LARP1: variants seen among roughly 807,000 people sequenced by gnomAD.
LARP1 encodes La ribonucleoprotein 1, translational regulator.
Under a neutral mutation model 122.7 loss-of-function variants are expected in LARP1, and 36 were observed. That is an observed-to-expected ratio of 0.29 (90% CI 0.22 to 0.39). The LOEUF (loss-of-function observed/expected upper bound fraction) is 0.39. Among genes scored for constraint, LARP1 ranks in the 10% least tolerant of loss-of-function variants. The probability of loss-of-function intolerance (pLI) is 1.00; values close to 1 mark genes in which losing one functional copy is unlikely to be tolerated. For synonymous variants in LARP1, 539 were observed against 528.7 expected (o/e 1.02, Z -0.27); for missense variants, 1,040 against 1,403.6 (o/e 0.74, Z 4.14).
rs112951083 is a variant in LARP1, at chr5:154,802,909, G to A, written c.2110-381G>A. On this transcript the variant is annotated intron_variant, in intron 11 of 18. Coordinates refer to ENST00000518297, the MANE Select transcript of LARP1 (RefSeq NM_033551.3). This position sits in a 1 kb window ranked among gnomAD's most constrained non-coding sequence, Gnocchi z 5.1. ...GGGTGAGCCTTTGTAATAAGTAGCA[G>A]TGTGTTTCCTGGAAGTAAGGAGGAA... is the stretch of plus-strand genomic sequence containing the variant. Among the ~76,000 whole-genome samples the A allele has an allele frequency of 7.2e-3, 1,093 of 152,294 alleles. 14 individuals carry two copies. Among genetic ancestry groups the A allele is most frequent in the African/African-American group, 0.025 (1,044 of 41,554 alleles).
At chr5:154,793,270 G>C (rs1390073527) in intron 4 of LARP1, among the ~76,000 whole-genome samples, 3 of 152,092 alleles carry the variant, frequency 2.0e-5, no homozygotes, top group Admixed American at 1.3e-4. Context: ...GCTCTCGTAG[G>C]CAGTGTTTTG....
upstream of LARP1, among the ~76,000 whole-genome samples, chr5:154,754,972 C>T (rs1396912351): frequency 6.6e-6 from 1 of 152,198 alleles, no homozygotes; most frequent in Non-Finnish European, 1.5e-5. Context: ...GGCCGCGTGG[C>T]CGGGTCCCAT....
chr5:154,815,112 A>G lies in LARP1; in HGVS notation c.*1016A>G, dbSNP rs1446263945. ...CTTCTCTGGATGTGCCTGGGCTTGG[A>G]CTGGCTAGAATCTTTCTCTGGACTG... On this transcript the variant is annotated 3_prime_UTR_variant, in exon 19 of 19. Transcript: ENST00000518297. 6.6e-6 allele frequency: 1 copy of G among 152,468 alleles called. No homozygotes were observed. Among genetic ancestry groups the G allele is most frequent in the African/African-American group, 2.4e-5 (1 of 41,384 alleles). The allele number at this position is 152,468 out of a possible 1,614,324, so 9.4% of individuals were successfully genotyped here.
intron 17 of LARP1, 29 bp from the exon 18 acceptor site, chr5:154,811,484 G>GC (rs1759267037): frequency 6.2e-7 from 1 of 1,614,016 alleles, no homozygotes. Flanking sequence ...ATCCTCACCA[G>GC]CTCAGCTTTT....
chr5:154,760,425 A>G (rs1051302585), intron 1 of LARP1, among the ~76,000 whole-genome samples: 1 of 152,232 alleles, frequency 6.6e-6, no homozygotes, highest in South Asian at 2.1e-4. Context: ...GAAAGAAACC[A>G]AAGTAGAGCT....
At chr5:154,784,143 A>G (rs1469960457) in intron 1 of LARP1, among the ~76,000 whole-genome samples, 1 of 152,200 alleles carries the variant, frequency 6.6e-6, no homozygotes, top group Non-Finnish European at 1.5e-5. Flanking sequence ...TTAGCACTTG[A>G]CAAGCAAAGC....
At chr5:154,796,603 A>C (rs1757873753) in intron 8 of LARP1, among the ~76,000 whole-genome samples, 1 of 152,040 alleles carries the variant, frequency 6.6e-6, no homozygotes. Context: ...TATCATAATG[A>C]TGTATTTTCT....
At chr5:154,790,463 G>A in intron 2 of LARP1, 77 bp downstream of exon 2, 1 of 1,415,582 alleles carries the variant, frequency 7.1e-7, no homozygotes, top group South Asian at 1.2e-5. Flanking sequence ...GAATGCTCCT[G>A]GACTGCCAAC....
chr5:154,790,719 G>A lies in LARP1; in HGVS notation c.564+9G>A. The A allele has an allele frequency of 6.2e-7, 1 of 1,613,914 alleles. No individual in the cohort carries two copies. Among genetic ancestry groups the A allele is most frequent in the Non-Finnish European group, 8.5e-7 (1 of 1,179,768 alleles). On this transcript the variant is annotated intron_variant, in intron 3 of 18. Coordinates refer to ENST00000518297, the MANE Select transcript of LARP1 (RefSeq NM_033551.3). ...CCCACAAGAGTGTTCAGGTGAGTCT[G>A]TGTGGAAGAATAGGCAGGTTTGAAG...
chr5:154,743,701 C>G (rs1238303043), intron 1 of LARP1, among the ~76,000 whole-genome samples: 1 of 152,028 alleles, frequency 6.6e-6, no homozygotes, highest in Non-Finnish European at 1.5e-5. Context: ...CTTACTGCAA[C>G]CTCTGCCTCC....
At chr5:154,764,074 C>G (rs1197875408) in intron 1 of LARP1, among the ~76,000 whole-genome samples, 1 of 151,116 alleles carries the variant, frequency 6.6e-6, no homozygotes. Context: ...TTTGGGAGGC[C>G]GAGGCAGGTG....
intron 1 of LARP1, among the ~76,000 whole-genome samples, chr5:154,774,049 A>ATT (rs543076767): frequency 6.6e-4 from 94 of 142,858 alleles, no homozygotes; most frequent in African/African-American, 1.5e-3. Context: ...GCCTGGCTTC[A>ATT]TTTTTTTTTT....
At chr5:154,685,175 T>G (rs1208047787) in intron 1 of LARP1, among the ~76,000 whole-genome samples, 1 of 149,648 alleles carries the variant, frequency 6.7e-6, no homozygotes, top group Non-Finnish European at 1.5e-5. Context: ...ACCCGGAGGG[T>G]GGAGGTTGCA....
chr5:154,769,295 G>T (rs1755209362), intron 1 of LARP1, among the ~76,000 whole-genome samples: 2 of 152,238 alleles, frequency 1.3e-5, no homozygotes, highest in Admixed American at 1.3e-4. Flanking sequence ...GAGTGCCACA[G>T]CTTGGCTCTT....
upstream of LARP1, among the ~76,000 whole-genome samples, chr5:154,712,291 A>G (rs1755256832): frequency 6.6e-6 from 1 of 152,200 alleles, no homozygotes; most frequent in African/African-American, 2.4e-5. Context: ...ACAGATGTGG[A>G]AACTGAGGCA....
chr5:154,736,081 A>G (rs1582239943), intron 1 of LARP1, among the ~76,000 whole-genome samples: 1 of 149,728 alleles, frequency 6.7e-6, no homozygotes, highest in Non-Finnish European at 1.5e-5. Context: ...CACCATACCC[A>G]GCTAAGTTTT....
At chr5:154,770,486 C>A (rs1370954788) in intron 1 of LARP1, among the ~76,000 whole-genome samples, 2 of 152,028 alleles carry the variant, frequency 1.3e-5, no homozygotes, top group Non-Finnish European at 2.9e-5. Context: ...GTCCCTGGCT[C>A]CCTCCCTGCC....
At chr5:154,718,806 T>C (rs370248832) in intron 1 of LARP1, 2 of 152,228 alleles carry the variant, frequency 1.3e-5, no homozygotes, top group Admixed American at 1.3e-4. Flanking sequence ...GATCAGACTC[T>C]GAGATCTCTC....
chr5:154,762,731 T>C (rs2113603436), intron 1 of LARP1, among the ~76,000 whole-genome samples: 2 of 152,330 alleles, frequency 1.3e-5, no homozygotes, highest in East Asian at 3.9e-4. Context: ...ACAGGCCACT[T>C]TGTAATTATT....
Sources: gnomAD v4.1 joint callset for allele counts (sites outside exome capture counted in the v4.1 genomes callset) on GRCh38, gnomAD v4.1.1 for gene constraint, Gnocchi (gnomAD v3.1) non-coding constraint, MANE v1.5 for transcripts, NCBI Gene and HGNC (gene_info 2026-07-23, HGNC 2026-07-21) for gene names.